The following RALGPS1 variants were observed in gnomAD, a reference collection of about 807,000 sequenced individuals.
RALGPS1 encodes Ral GEF with PH domain and SH3 binding motif 1.
In RALGPS1, 19 loss-of-function variants were observed where a neutral mutation model predicts 78.8. The observed-to-expected ratio is 0.24, with a 90% CI of 0.17 to 0.35. RALGPS1 has a LOEUF of 0.35. RALGPS1 is among the 10% of genes least tolerant of loss of function. The pLI, the probability that RALGPS1 is intolerant of heterozygous loss-of-function variation, is 1.00. For missense variants in RALGPS1, 454 were observed against 688.3 expected (o/e 0.66, Z 3.81); for synonymous variants, 228 against 256.3 (o/e 0.89, Z 1.06).
chr9:127,178,084 G>T, intron 11 of RALGPS1: 1 of 1,314,958 alleles, frequency 7.6e-7, no homozygotes, highest in South Asian at 1.3e-5. Context: ...AGGGCATGGG[G>T]AAGAAGTGTT....
chr9:127,140,791 G>A (rs1409889127), intron 8 of RALGPS1, among the ~76,000 whole-genome samples: 1 of 152,192 alleles, frequency 6.6e-6, no homozygotes, highest in Admixed American at 6.5e-5. Flanking sequence ...ACAGCATGGG[G>A]CAGCCATGGA....
At chr9:126,958,142 A>AAAAAAAAAAAATAT (rs113413659) in intron 1 of RALGPS1, among the ~76,000 whole-genome samples, 154 of 76,922 alleles carry the variant, frequency 2.0e-3, no homozygotes, top group Non-Finnish European at 3.2e-3. Context: ...AAAAAAAAAA[A>AAAAAAAAAAAATAT]ATATATATAT....
rs541869154 is a variant in RALGPS1, at chr9:127,137,752, G to A, written c.611-28317G>A. Among the ~76,000 whole-genome samples, 293 of 152,342 alleles carry A rather than the reference G, an allele frequency of 1.9e-3. 2 individuals are homozygous for A. The highest frequency in any genetic ancestry group is 6.8e-3 in the African/African-American group (281 of 41,576). On this transcript the variant is annotated intron_variant, in intron 8 of 18. Coordinates refer to ENST00000259351, the MANE Select transcript of RALGPS1 (RefSeq NM_014636.3). ...GGCACTGGGGAGATACATGGCGTGA[G>A]CAGATCAGGTGTGGGCTCTGACCCT... is the stretch of plus-strand genomic sequence containing the variant.
intron 8 of RALGPS1, among the ~76,000 whole-genome samples, chr9:127,154,936 T>A (rs1363345587): frequency 6.6e-6 from 1 of 152,206 alleles, no homozygotes; most frequent in Non-Finnish European, 1.5e-5. Context: ...CCTTGGCACA[T>A]GGGCAGCCTC....
intron 7 of RALGPS1, among the ~76,000 whole-genome samples, chr9:127,054,494 A>G (rs1300428149): frequency 6.6e-6 from 1 of 152,168 alleles, no homozygotes; most frequent in Non-Finnish European, 1.5e-5. Context: ...GCGCAGAGAT[A>G]CGGTCCACTC....
At chr9:126,945,132 G>A (rs1227746890) in intron 1 of RALGPS1, among the ~76,000 whole-genome samples, 1 of 152,154 alleles carries the variant, frequency 6.6e-6, no homozygotes, top group East Asian at 1.9e-4. Flanking sequence ...CCTTCCTCCA[G>A]TTGCAAGGGA....
intron 14 of RALGPS1, chr9:127,210,893 A>G (rs562814060): frequency 7.1e-5 from 63 of 881,224 alleles, no homozygotes; most frequent in Admixed American, 1.2e-4. Flanking sequence ...CTTTGCCTAC[A>G]TGAGTCTACT....
chr9:127,160,199 C>G (rs1427483518), intron 8 of RALGPS1, among the ~76,000 whole-genome samples: 3 of 152,138 alleles, frequency 2.0e-5, no homozygotes, highest in Admixed American at 1.3e-4. Context: ...AGGCTCTGGG[C>G]CATCGAGTAT....
At position 126,965,921 on chromosome 9, in the gene RALGPS1, T is replaced by C; in HGVS notation, c.135T>C (p.Asp45=). 1 of 1,614,148 alleles carries C rather than the reference T, an allele frequency of 6.2e-7. No individual in the cohort carries two copies. Among genetic ancestry groups the C allele is most frequent in the South Asian group, 1.1e-5 (1 of 91,082 alleles). Residue 45 remains aspartate, a synonymous_variant, in exon 3 of 19, where the codon GAT becomes GAC. Transcript: ENST00000259351. ...ASKSYDAVVF[D]VLKVTPEEFA... is the part of the protein sequence containing the mutation. ...AGAGCTATGATGCCGTTGTCTTCGA[T>C]GTCTTGAAAGTGACCCCAGAGGAGT...
At chr9:127,100,730 T>A (rs917331767) in intron 8 of RALGPS1, among the ~76,000 whole-genome samples, 2 of 152,168 alleles carry the variant, frequency 1.3e-5, no homozygotes, top group Non-Finnish European at 2.9e-5. Context: ...GAAGAACTTA[T>A]CAGACCCATG....
At chr9:126,970,234 C>G (rs749024523) in intron 3 of RALGPS1, among the ~76,000 whole-genome samples, 41 of 152,106 alleles carry the variant, frequency 2.7e-4, no homozygotes, top group Non-Finnish European at 4.6e-4. Flanking sequence ...ATCGTCATCA[C>G]CCCCAAAATA....
chr9:126,948,089 C>T (rs1461873873), intron 1 of RALGPS1, among the ~76,000 whole-genome samples: 2 of 152,146 alleles, frequency 1.3e-5, no homozygotes, highest in Non-Finnish European at 2.9e-5. Flanking sequence ...AGATGCTACC[C>T]AACACTGTGA....
chr9:127,080,067 C>T (rs919619985), intron 8 of RALGPS1, among the ~76,000 whole-genome samples: 1 of 152,060 alleles, frequency 6.6e-6, no homozygotes, highest in African/African-American at 2.4e-5. Context: ...TGGGGGGATT[C>T]GATAGGCTAG....
At position 127,056,260 on chromosome 9, in the gene RALGPS1, G is replaced by A. The variant is rs1182905967; in HGVS notation, c.483+3321G>A. ...CTCCCTATTGTGTCCTAAGGGCTGA[G>A]CCAGGGCTCTTTCCCTGGTTACAGA... On this transcript the variant is annotated intron_variant, in intron 7 of 18. Coordinates refer to ENST00000259351, the MANE Select transcript of RALGPS1 (RefSeq NM_014636.3). Among the ~76,000 whole-genome samples the A allele has an allele frequency of 2.6e-5, 4 of 152,162 alleles. No homozygotes were observed. In the East Asian group the frequency reaches 7.7e-4, roughly 29 times the overall value.
intron 10 of RALGPS1, among the ~76,000 whole-genome samples, chr9:127,173,621 A>G (rs2059678412): frequency 6.6e-6 from 1 of 152,170 alleles, no homozygotes; most frequent in South Asian, 2.1e-4. Context: ...CGGTGCTTCA[A>G]AAAGATATAT....
At chr9:127,146,474 G>A (rs1208322479) in intron 8 of RALGPS1, among the ~76,000 whole-genome samples, 1 of 151,294 alleles carries the variant, frequency 6.6e-6, no homozygotes, top group Non-Finnish European at 1.5e-5. Context: ...CCATTGATGG[G>A]CACCTGGGTT....
intron 8 of RALGPS1, among the ~76,000 whole-genome samples, chr9:127,079,245 G>A (rs1042108992): frequency 6.6e-6 from 1 of 152,184 alleles, no homozygotes; most frequent in African/African-American, 2.4e-5. Context: ...GTGGACACTG[G>A]TCTTCTACTG....
chr9:126,990,871 GTTGT>G (rs1460222607), intron 4 of RALGPS1, among the ~76,000 whole-genome samples: 1 of 152,202 alleles, frequency 6.6e-6, no homozygotes, highest in Non-Finnish European at 1.5e-5. Flanking sequence ...AGTGCCTGAT[GTTGT>G]TTGTTTTTTG....
intron 1 of RALGPS1, among the ~76,000 whole-genome samples, chr9:126,935,940 T>C (rs1046049968): frequency 2.6e-5 from 4 of 152,200 alleles, no homozygotes; most frequent in African/African-American, 9.6e-5. Flanking sequence ...GAGGGGCTGG[T>C]GGGATCCTGC....
Sources: gnomAD v4.1 joint callset for allele counts (sites outside exome capture counted in the v4.1 genomes callset) on GRCh38, gnomAD v4.1.1 for gene constraint, MANE v1.5 for transcripts, NCBI Gene and HGNC (gene_info 2026-07-23, HGNC 2026-07-21) for gene names.